Variants in LRRC7 observed in about 807,000 individuals in gnomAD.
The protein encoded by LRRC7 is leucine rich repeat containing 7.
LRRC7 carries 23 observed loss-of-function variants against 175.7 expected under a neutral mutation model. That is an observed-to-expected ratio of 0.13 (90% CI 0.09 to 0.19). LRRC7 has a LOEUF of 0.19. Among genes scored for constraint, LRRC7 ranks in the 10% least tolerant of loss-of-function variants. The pLI is 1.00. For missense variants in LRRC7, 1,354 were observed against 1,904.7 expected (o/e 0.71, Z 5.38); for synonymous variants, 685 against 680.9 (o/e 1.01, Z -0.09).
intron 4 of LRRC7, among the ~76,000 whole-genome samples, chr1:69,813,007 G>C (rs1005815718): frequency 1.3e-5 from 2 of 152,040 alleles, no homozygotes; most frequent in Non-Finnish European, 2.9e-5. Flanking sequence ...AAGAAATTGA[G>C]TGTCAATTGA....
intron 1 of LRRC7, among the ~76,000 whole-genome samples, chr1:69,582,171 G>A (rs960803469): frequency 1.3e-5 from 2 of 152,188 alleles, no homozygotes; most frequent in South Asian, 4.1e-4. Context: ...TTTGCTCATG[G>A]ATACATAATC....
intron 24 of LRRC7, among the ~76,000 whole-genome samples, chr1:70,080,323 G>A (rs1253897130): frequency 6.6e-6 from 1 of 152,140 alleles, no homozygotes; most frequent in Admixed American, 6.5e-5. Flanking sequence ...TATATAATAA[G>A]TGCCAAAACT....
At chr1:69,847,612 A>G (rs1488199947) in intron 7 of LRRC7, among the ~76,000 whole-genome samples, 1 of 152,016 alleles carries the variant, frequency 6.6e-6, no homozygotes, top group Non-Finnish European at 1.5e-5. Context: ...AGCACTACCC[A>G]CAGAATCACA....
At chr1:69,819,452 A>G (rs971029703) in intron 4 of LRRC7, among the ~76,000 whole-genome samples, 43 of 152,082 alleles carry the variant, frequency 2.8e-4, no homozygotes, top group Middle Eastern at 3.4e-3. Context: ...CAGTCTTTGT[A>G]AATTTTTTAA....
At position 70,122,462 on chromosome 1, in the gene LRRC7, A is replaced by T. The variant is rs1279008423; in HGVS notation, c.*575A>T. 6.6e-6 allele frequency: 1 copy of T among 152,144 alleles called. No homozygotes were observed. The highest frequency in any genetic ancestry group is 6.5e-5 in the Admixed American group (1 of 15,274). 9.4% of individuals were successfully genotyped at this position (152,144 alleles called of 1,614,324 possible). The stretch of plus-strand genomic sequence containing the variant: ...AATCTTTTTCAATAAAAATTACATG[A>T]TAATGCCTTATGAAAGTAACTGTAC... On this transcript the variant is annotated 3_prime_UTR_variant, in exon 27 of 27. Coordinates refer to ENST00000651989, the MANE Select transcript of LRRC7 (RefSeq NM_001370785.2).
chr1:69,804,268 C>A (rs1053496351), intron 4 of LRRC7, among the ~76,000 whole-genome samples: 3 of 151,166 alleles, frequency 2.0e-5, no homozygotes, highest in South Asian at 2.1e-4. Flanking sequence ...AATATATATT[C>A]TTTTATTATT....
intron 5 of LRRC7, among the ~76,000 whole-genome samples, chr1:69,827,964 C>T (rs564669585): frequency 2.0e-5 from 3 of 152,224 alleles, no homozygotes; most frequent in African/African-American, 7.2e-5. Flanking sequence ...TTCCCTTAGC[C>T]CAGTCATCCA....
At chr1:69,717,592 G>T (rs1447970884) in intron 2 of LRRC7, among the ~76,000 whole-genome samples, 1 of 151,420 alleles carries the variant, frequency 6.6e-6, no homozygotes, top group Non-Finnish European at 1.5e-5. Flanking sequence ...CCTATGAGGG[G>T]GTGGAAAGGC....
At chr1:69,815,887 A>C (rs1028182842) in intron 4 of LRRC7, among the ~76,000 whole-genome samples, 3 of 152,176 alleles carry the variant, frequency 2.0e-5, no homozygotes, top group African/African-American at 4.8e-5. Flanking sequence ...CACTGGGAGC[A>C]GACTTGCCCC....
chr1:69,747,384 G>A (rs957474024), intron 2 of LRRC7, among the ~76,000 whole-genome samples: 1 of 152,190 alleles, frequency 6.6e-6, no homozygotes, highest in Non-Finnish European at 1.5e-5. Context: ...TGTGGTCCCA[G>A]AGGAGACTGA....
chr1:70,045,871 T>G (rs1237339526), intron 22 of LRRC7, among the ~76,000 whole-genome samples: 1 of 152,122 alleles, frequency 6.6e-6, no homozygotes, highest in African/African-American at 2.4e-5. Context: ...CTCATGAGAC[T>G]TATTCATTAC....
intron 11 of LRRC7, 104 bp downstream of exon 11, chr1:69,994,737 T>C (rs1012380532): frequency 1.5e-6 from 1 of 678,998 alleles, no homozygotes. Flanking sequence ...ATACCAATAA[T>C]CCTGTTCATC....
At chr1:69,921,435 C>A (rs1646885411) in intron 7 of LRRC7, among the ~76,000 whole-genome samples, 2 of 152,132 alleles carry the variant, frequency 1.3e-5, no homozygotes, top group African/African-American at 2.4e-5. Flanking sequence ...TTACATTCAA[C>A]CTATCTCCAC....
chr1:69,835,548 G>A (rs1265042880), intron 6 of LRRC7, among the ~76,000 whole-genome samples: 1 of 151,898 alleles, frequency 6.6e-6, no homozygotes, highest in Non-Finnish European at 1.5e-5. Context: ...ATTTTTTAGA[G>A]TATAAGAACA....
In LRRC7 at chr1:69,617,547, TAAAAAA is replaced by T. The variant is rs11473590; in HGVS notation, c.2+48926_2+48931del. 8.8e-3 allele frequency among the ~76,000 whole-genome samples: 543 copies of T among 62,004 alleles called. 11 individuals are homozygous for T. The highest frequency in any genetic ancestry group is 0.012 in the Non-Finnish European group (395 of 33,670). The allele number at this position is 62,004 out of a possible 152,430, so 40.7% of individuals were successfully genotyped here. A position where few individuals can be genotyped will look rare whatever the true frequency, so the allele number is the denominator to read the frequency against. ...GCTGAAGGTTGTTATATACTCACAG[TAAAAAA>T]AAAAAAAAAAAAAAAAAAATCAGAA... On this transcript the variant is annotated intron_variant, in intron 1 of 26. Coordinates refer to ENST00000651989, the MANE Select transcript of LRRC7 (RefSeq NM_001370785.2).
intron 1 of LRRC7, among the ~76,000 whole-genome samples, chr1:69,599,228 T>G (rs1341790880): frequency 2.0e-5 from 3 of 152,182 alleles, no homozygotes; most frequent in Non-Finnish European, 2.9e-5. Context: ...CCCATTTCTT[T>G]GTGGTACATG....
chr1:70,028,400 T>C (rs1658352244), intron 18 of LRRC7, 29 bp downstream of exon 18: 18 of 1,597,450 alleles, frequency 1.1e-5, no homozygotes, highest in Non-Finnish European at 1.4e-5. Flanking sequence ...TAATTGCCAG[T>C]GTGGTTTGGA....
At chr1:70,047,953 G>C (rs935528403) in intron 22 of LRRC7, among the ~76,000 whole-genome samples, 2 of 151,728 alleles carry the variant, frequency 1.3e-5, no homozygotes, top group African/African-American at 4.8e-5. Context: ...AGAATTATTA[G>C]TATTTTCTAT....
At chr1:70,107,088 A>G (rs1023526116) in intron 25 of LRRC7, among the ~76,000 whole-genome samples, 1 of 152,214 alleles carries the variant, frequency 6.6e-6, no homozygotes, top group Non-Finnish European at 1.5e-5. Context: ...GACATTCAAT[A>G]TATGTTTTCT....
Sources: allele counts gnomAD v4.1 joint callset (sites outside exome capture counted in the v4.1 genomes callset), GRCh38; gene constraint gnomAD v4.1.1; transcripts MANE v1.5; gene names NCBI Gene and HGNC (gene_info 2026-07-23, HGNC 2026-07-21).